DSCAM: variants seen among roughly 807,000 people sequenced by gnomAD.
DSCAM encodes the protein cell adhesion molecule DSCAM.
Under a neutral mutation model 217.7 loss-of-function variants are expected in DSCAM, and 47 were observed. The observed-to-expected ratio is 0.22, with a 90% CI of 0.17 to 0.28. DSCAM has a LOEUF of 0.28. DSCAM is among the 10% of genes least tolerant of loss of function. DSCAM has a pLI of 1.00. For missense variants in DSCAM, 2,080 were observed against 2,618.3 expected, an observed-to-expected ratio of 0.79 and a Z score of 4.49; for synonymous variants, 1,056 against 1,015.3, an observed-to-expected ratio of 1.04 and a Z score of -0.76.
At chr21:40,498,121 A>G (rs2076134024) in intron 3 of DSCAM, among the ~76,000 whole-genome samples, 1 of 152,170 alleles carries the variant, frequency 6.6e-6, no homozygotes, top group South Asian at 2.1e-4. Flanking sequence ...AACGGGAATA[A>G]TAACTCTGTG....
chr21:40,114,078 G>A (rs947240316), intron 20 of DSCAM, among the ~76,000 whole-genome samples: 2 of 151,258 alleles, frequency 1.3e-5, no homozygotes, highest in Non-Finnish European at 3.0e-5. Flanking sequence ...AGTTCATATG[G>A]AACCAAAAAA....
chr21:40,795,265 T>C (rs1253880975), intron 1 of DSCAM, among the ~76,000 whole-genome samples: 1 of 152,168 alleles, frequency 6.6e-6, no homozygotes, highest in African/African-American at 2.4e-5. Context: ...TCCCATTCAC[T>C]ACACCATGCT....
chr21:40,467,512 T>G (rs1272496010), intron 3 of DSCAM, among the ~76,000 whole-genome samples: 1 of 152,196 alleles, frequency 6.6e-6, no homozygotes, highest in East Asian at 1.9e-4. Context: ...GTATGAATGA[T>G]GGCATAAAAT....
At chr21:40,716,798 T>C (rs2090847226) in intron 1 of DSCAM, among the ~76,000 whole-genome samples, 1 of 152,152 alleles carries the variant, frequency 6.6e-6, no homozygotes, top group Non-Finnish European at 1.5e-5. Flanking sequence ...AAGGGCCCAG[T>C]AATGCAAGAT....
chr21:40,450,819 A>G (rs2075712710), intron 3 of DSCAM, among the ~76,000 whole-genome samples: 1 of 152,234 alleles, frequency 6.6e-6, no homozygotes, highest in Non-Finnish European at 1.5e-5. Context: ...GAAGCTTCTT[A>G]CTAAGGAACG....
chr21:40,651,119 T>A (rs893526300), intron 3 of DSCAM, among the ~76,000 whole-genome samples: 36 of 152,260 alleles, frequency 2.4e-4, no homozygotes, highest in African/African-American at 7.9e-4. Flanking sequence ...GCTTTGTGGG[T>A]GCACAGCTGA....
intron 27 of DSCAM, among the ~76,000 whole-genome samples, chr21:40,070,343 AGGAGGGAGGGAG>A: frequency 8.0e-6 from 1 of 124,296 alleles, no homozygotes; most frequent in Non-Finnish European, 1.7e-5. Flanking sequence ...AAGGTAGGGA[AGGAGGGAGGGAG>A]GGAAGGAGGG....
intron 18 of DSCAM, among the ~76,000 whole-genome samples, chr21:40,139,298 T>A (rs953615654): frequency 6.6e-6 from 1 of 151,860 alleles, no homozygotes; most frequent in Non-Finnish European, 1.5e-5. Context: ...CCCAGGGTGG[T>A]CGGGGCACAG....
chr21:40,326,385 C>T (rs2074317308), intron 8 of DSCAM, among the ~76,000 whole-genome samples: 1 of 152,172 alleles, frequency 6.6e-6, no homozygotes. Flanking sequence ...GCCCAGAGGG[C>T]TATGTTTCAT....
chr21:40,742,503 T>G (rs970005498), intron 1 of DSCAM, among the ~76,000 whole-genome samples: 3 of 152,192 alleles, frequency 2.0e-5, no homozygotes, highest in Non-Finnish European at 4.4e-5. Flanking sequence ...TTTCATCCAG[T>G]GAAAGTGATT....
chr21:40,788,713 T>C (rs1257307134), intron 1 of DSCAM, among the ~76,000 whole-genome samples: 4 of 152,250 alleles, frequency 2.6e-5, no homozygotes, highest in Non-Finnish European at 1.5e-5. Flanking sequence ...GAATGTTCCA[T>C]GTGAACTTCT....
intron 31 of DSCAM, 58 bp from the exon 32 acceptor site, chr21:40,042,731 C>G: frequency 6.7e-7 from 1 of 1,489,384 alleles, no homozygotes; most frequent in South Asian, 1.3e-5. Context: ...TCTGAACCAA[C>G]GGCATGGCCC....
At chr21:40,809,190 C>G (rs1330952572) in intron 1 of DSCAM, among the ~76,000 whole-genome samples, 1 of 152,114 alleles carries the variant, frequency 6.6e-6, no homozygotes, top group Non-Finnish European at 1.5e-5. Context: ...ACAGCCACCA[C>G]CACGATAAAG....
chr21:40,311,528 C>T (rs2074137287), intron 9 of DSCAM, among the ~76,000 whole-genome samples: 1 of 152,184 alleles, frequency 6.6e-6, no homozygotes, highest in Admixed American at 6.5e-5. Context: ...CTACCATACT[C>T]TGCTTAATTT....
chr21:40,244,527 T>A (rs1048323360), intron 11 of DSCAM, among the ~76,000 whole-genome samples: 1 of 151,930 alleles, frequency 6.6e-6, no homozygotes, highest in African/African-American at 2.4e-5. Context: ...TTTTCTTAAG[T>A]CCCTGTGCCT....
chr21:40,430,034 C>G (rs1219891351), intron 3 of DSCAM, among the ~76,000 whole-genome samples: 2 of 152,158 alleles, frequency 1.3e-5, no homozygotes, highest in African/African-American at 4.8e-5. Flanking sequence ...AATAATTTTT[C>G]CTAATATCCA....
At chr21:40,743,968 C>G (rs548156248) in intron 1 of DSCAM, among the ~76,000 whole-genome samples, 1 of 152,284 alleles carries the variant, frequency 6.6e-6, no homozygotes, top group South Asian at 2.1e-4. Flanking sequence ...AGAATACCAC[C>G]ATGAATTCAC....
At chr21:40,695,739 C>T (rs1457754923) in intron 2 of DSCAM, among the ~76,000 whole-genome samples, 2 of 152,216 alleles carry the variant, frequency 1.3e-5, no homozygotes, top group Non-Finnish European at 2.9e-5. Flanking sequence ...TATAGAAAGA[C>T]AGAGCTTCCA....
At chr21:40,257,390 C>A (rs549405787) in intron 11 of DSCAM, among the ~76,000 whole-genome samples, 1 of 147,420 alleles carries the variant, frequency 6.8e-6, no homozygotes, top group East Asian at 2.0e-4. Flanking sequence ...TTTTTTTTTC[C>A]CTGAATATTT....
Sources: allele counts gnomAD v4.1 joint callset (sites outside exome capture counted in the v4.1 genomes callset), GRCh38; gene constraint gnomAD v4.1.1; transcripts MANE v1.5; gene names NCBI Gene and HGNC (gene_info 2026-07-23, HGNC 2026-07-21).